The following UBE2E1 variants were observed in gnomAD, a reference collection of about 807,000 sequenced individuals.
The protein encoded by UBE2E1 is ubiquitin conjugating enzyme E2 E1.
Under a neutral mutation model 21.4 loss-of-function variants are expected in UBE2E1, and 6 were observed. The observed-to-expected ratio is 0.28, with a 90% CI of 0.15 to 0.55. The LOEUF (loss-of-function observed/expected upper bound fraction) is 0.55. Among genes scored for constraint, UBE2E1 ranks in the 20% least tolerant of loss-of-function variants. The pLI is 0.93. For missense variants in UBE2E1, 142 were observed against 236.5 expected (o/e 0.60, Z 2.62); for synonymous variants, 87 against 82.7 (o/e 1.05, Z -0.28).
intron 3 of UBE2E1, among the ~76,000 whole-genome samples, chr3:23,818,117 G>A (rs1019131317): frequency 2.0e-5 from 3 of 152,146 alleles, no homozygotes; most frequent in Admixed American, 6.5e-5. Flanking sequence ...CACTGATTTC[G>A]ATATGGAGGA....
intron 3 of UBE2E1, among the ~76,000 whole-genome samples, chr3:23,850,232 C>T (rs546979240): frequency 6.6e-6 from 1 of 152,172 alleles, no homozygotes; most frequent in African/African-American, 2.4e-5. Flanking sequence ...AACTCCTGGC[C>T]TCAAGTGATT....
chr3:23,888,090 T>C (rs964370508), intron 4 of UBE2E1: 3 of 391,060 alleles, frequency 7.7e-6, no homozygotes, highest in African/African-American at 6.3e-5. Flanking sequence ...CCCAAGAGTT[T>C]GAGTCCAGTC....
At chr3:23,839,037 A>AG (rs1700029766) in intron 3 of UBE2E1, among the ~76,000 whole-genome samples, 2 of 151,332 alleles carry the variant, frequency 1.3e-5, no homozygotes, top group African/African-American at 4.9e-5. Flanking sequence ...ATACCCCTTC[A>AG]CCCACAGCGA....
chr3:23,842,269 C>T lies in UBE2E1; in HGVS notation c.203+30759C>T, dbSNP rs1218633260. Among the ~76,000 whole-genome samples, 3 of 118,974 alleles carry T rather than the reference C, an allele frequency of 2.5e-5. No individual in the cohort carries two copies. The highest frequency in any genetic ancestry group is 9.8e-5 in the Admixed American group (1 of 10,186). The allele number at this position is 118,974 out of a possible 152,430, so 78.1% of individuals were successfully genotyped here. The stretch of plus-strand genomic sequence containing the variant: ...TGTGTGGTGTTGTTGTTGTTGGCGA[C>T]AGGGTCTCAATTCGTCGCCTAGGCT... On this transcript the variant is annotated intron_variant, in intron 3 of 5. Coordinates refer to ENST00000306627, the MANE Select transcript of UBE2E1 (RefSeq NM_003341.5). This position sits in a 1 kb window ranked among gnomAD's most constrained non-coding sequence, Gnocchi z 4.6.
chr3:23,855,707 G>A (rs1464500287), intron 3 of UBE2E1, among the ~76,000 whole-genome samples: 1 of 152,132 alleles, frequency 6.6e-6, no homozygotes, highest in South Asian at 2.1e-4. Flanking sequence ...GTGGGCGCCT[G>A]TAGTCCCAGC....
chr3:23,856,279 T>C (rs1700434875), intron 3 of UBE2E1, among the ~76,000 whole-genome samples: 1 of 152,168 alleles, frequency 6.6e-6, no homozygotes, highest in South Asian at 2.1e-4. Context: ...CCACCCACCT[T>C]GGCCTCCCAA....
At chr3:23,840,198 T>G (rs1700055854) in intron 3 of UBE2E1, among the ~76,000 whole-genome samples, 1 of 152,228 alleles carries the variant, frequency 6.6e-6, no homozygotes, top group African/African-American at 2.4e-5. Context: ...ATTTATCATT[T>G]TAAATTTATG....
chr3:23,884,337 G>A (rs1701126564), intron 3 of UBE2E1, among the ~76,000 whole-genome samples: 1 of 152,174 alleles, frequency 6.6e-6, no homozygotes, highest in Non-Finnish European at 1.5e-5. Flanking sequence ...CTAACTGGTT[G>A]TCCCACTAGT....
chr3:23,878,373 G>A (rs1426008964), intron 3 of UBE2E1, among the ~76,000 whole-genome samples: 1 of 152,152 alleles, frequency 6.6e-6, no homozygotes, highest in African/African-American at 2.4e-5. Flanking sequence ...TTCTTTTTCT[G>A]TTGCCACAAC....
Position 23,889,228 on chromosome 3 carries a change from T to C in UBE2E1, c.453T>C (p.Ser151=). The change falls in exon 5 of 6, where the codon TCT becomes TCC. Residue 151 remains serine (S), a synonymous_variant. Coordinates refer to ENST00000306627, the MANE Select transcript of UBE2E1 (RefSeq NM_003341.5). ...TAACCATTTCTAAAGTCCTCCTTTC[T>C]ATCTGCTCACTTCTTACAGACTGTA... ...PALTISKVLL[S]ICSLLTDCNP... 1 of 1,613,928 alleles carries C rather than the reference T, an allele frequency of 6.2e-7. No individual in the cohort carries two copies. The highest frequency in any genetic ancestry group is 1.1e-5 in the South Asian group (1 of 91,072).
chr3:23,878,424 T>A (rs1700965190), intron 3 of UBE2E1, among the ~76,000 whole-genome samples: 1 of 152,200 alleles, frequency 6.6e-6, no homozygotes, highest in Non-Finnish European at 1.5e-5. Flanking sequence ...TTGTCTCAAG[T>A]CCTTCCTTTA....
At chr3:23,811,376 A>G (rs540787907) in intron 2 of UBE2E1, 84 bp from the exon 3 acceptor site, 272 of 1,317,690 alleles carry the variant, frequency 2.1e-4, no homozygotes, top group Middle Eastern at 7.3e-4. Flanking sequence ...GCTTAGGTTT[A>G]TCTGCAGACC....
Position 23,889,487 on chromosome 3 carries a change from G to A in UBE2E1, c.484+228G>A, listed in dbSNP as rs79847958. The A allele has an allele frequency of 2.8e-3, 3,883 of 1,378,666 alleles. 17 individuals carry two copies. The highest frequency in any genetic ancestry group is 4.0e-3 in the Admixed American group (114 of 28,328). 85.4% of individuals were successfully genotyped at this position (1,378,666 alleles called of 1,614,324 possible). On this transcript the variant is annotated intron_variant, in intron 5 of 5. Transcript: ENST00000306627. The stretch of plus-strand genomic sequence containing the variant: ...AAGGTATTTTAAACTGAAGACTGAC[G>A]TAAGTTTGCCTTGGGCTTTTAGTTT...
chr3:23,882,920 C>G (rs1024312486), intron 3 of UBE2E1, among the ~76,000 whole-genome samples: 1 of 152,214 alleles, frequency 6.6e-6, no homozygotes, highest in African/African-American at 2.4e-5. Flanking sequence ...GCCTCTCCCT[C>G]CACACCTCCC....
intron 3 of UBE2E1, among the ~76,000 whole-genome samples, chr3:23,854,624 G>A (rs536833754): frequency 6.6e-6 from 1 of 152,290 alleles, no homozygotes; most frequent in Non-Finnish European, 1.5e-5. Context: ...TAAGCTATTA[G>A]TCTTCTTGAA....
chr3:23,857,107 A>G (rs2125311199), intron 3 of UBE2E1, among the ~76,000 whole-genome samples: 1 of 152,138 alleles, frequency 6.6e-6, no homozygotes, highest in East Asian at 1.9e-4. Flanking sequence ...TGTTGAGGTA[A>G]AGTAGGACTG....
intron 3 of UBE2E1, among the ~76,000 whole-genome samples, chr3:23,835,989 T>G (rs1274939114): frequency 1.3e-5 from 2 of 152,238 alleles, no homozygotes; most frequent in African/African-American, 4.8e-5. Context: ...TCTTTTCAGC[T>G]GCTGCTTTTA....
intron 3 of UBE2E1, among the ~76,000 whole-genome samples, chr3:23,840,627 A>G (rs757849228): frequency 1.3e-5 from 2 of 152,198 alleles, no homozygotes; most frequent in Non-Finnish European, 2.9e-5. Flanking sequence ...ACTAATGGCA[A>G]TGCAAACTAT....
At position 23,806,655 on chromosome 3, in the gene UBE2E1, G is replaced by A. The variant is rs966714075; in HGVS notation, c.-34+567G>A. Among the ~76,000 whole-genome samples, 1 of 151,472 alleles carries A rather than the reference G, an allele frequency of 6.6e-6. No homozygotes were observed. Among genetic ancestry groups the A allele is most frequent in the African/African-American group, 2.4e-5 (1 of 41,288 alleles). ...GGGCGTCGGGGCGCGGCGCGGGGGG[G>A]CCTCGGGCCTCGTCGCCCCTGCCCC... On this transcript the variant is annotated intron_variant, in intron 1 of 5. Coordinates refer to ENST00000306627, the MANE Select transcript of UBE2E1 (RefSeq NM_003341.5). This position sits in a 1 kb window ranked among gnomAD's most constrained non-coding sequence, Gnocchi z 6.5.
Sources: gnomAD v4.1 joint callset for allele counts (sites outside exome capture counted in the v4.1 genomes callset) on GRCh38, gnomAD v4.1.1 for gene constraint, Gnocchi (gnomAD v3.1) non-coding constraint, MANE v1.5 for transcripts, NCBI Gene and HGNC (gene_info 2026-07-23, HGNC 2026-07-21) for gene names.